Variants in YY1 observed in about 807,000 individuals in gnomAD.
The protein encoded by YY1 is YY1 transcription factor.
YY1 carries 2 observed loss-of-function variants against 35.6 expected under a neutral mutation model. The observed-to-expected ratio is 0.06, with a 90% CI of 0.02 to 0.18. The LOEUF (loss-of-function observed/expected upper bound fraction) is 0.18, where lower values mean the gene tolerates loss of function less well. YY1 is among the 10% of genes least tolerant of loss of function. YY1 has a pLI of 1.00. For synonymous variants in YY1, 268 were observed against 238.9 expected (o/e 1.12, Z -1.12); for missense variants, 322 against 573.4 (o/e 0.56, Z 4.48).
Position 100,274,722 on chromosome 14 carries a change from AGAT to A in YY1, c.872_874del (p.Asp291del). ...GAATGAAGCCAAGAAAAATTAAAGAAGATGATGCTCCAAGAACAATAGCTTGCC... is the reference window on the plus strand; with the variant it reads ...GAATGAAGCCAAGAAAAATTAAAGAAGATGCTCCAAGAACAATAGCTTGCC... On this transcript the variant is annotated inframe_deletion, in exon 3 of 5. Transcript: ENST00000262238. 1 of 1,614,102 alleles carries A rather than the reference AGAT, an allele frequency of 6.2e-7. No homozygotes were observed.
intron 3 of YY1, chr14:100,275,657 A>C (rs1375038386): frequency 6.6e-6 from 1 of 152,192 alleles, no homozygotes; most frequent in African/African-American, 2.4e-5. Context: ...AATTTTTTAA[A>C]TTTCCATTTT....
rs1387116081 is a variant in YY1, at chr14:100,276,036, C to T, written c.904-454C>T. Reference sequence around the variant, plus strand: ...GGGAACAGTAGGCGATGGAGAATGACAGTCCATTGTTGCAGCACAGAATAT... The same window carrying T: ...GGGAACAGTAGGCGATGGAGAATGATAGTCCATTGTTGCAGCACAGAATAT... On this transcript the variant is annotated intron_variant, in intron 3 of 4. Transcript: ENST00000262238. The surrounding 1 kb of genome is among the most constrained non-coding windows in gnomAD (Gnocchi z 4.1). The T allele has an allele frequency of 1.0e-5, 2 of 198,572 alleles. No individual in the cohort carries two copies. Among genetic ancestry groups the T allele is most frequent in the Non-Finnish European group, 2.1e-5 (2 of 95,874 alleles). 12.3% of individuals were successfully genotyped at this position (198,572 alleles called of 1,614,324 possible). A position where few individuals can be genotyped will look rare whatever the true frequency, so the allele number is the denominator to read the frequency against.
rs548958777 is a variant in YY1, at chr14:100,246,680, A to G, written c.679+6757A>G. On this transcript the variant is annotated intron_variant, in intron 1 of 4. Coordinates refer to ENST00000262238, the MANE Select transcript of YY1 (RefSeq NM_003403.5). ...GTTGAAATGCATTGAATTTTTCCCA[A>G]TTTTATAAGTTCAGAAGATGCAGGT... is the stretch of plus-strand genomic sequence containing the variant. Among the ~76,000 whole-genome samples the G allele has an allele frequency of 5.3e-5, 8 of 152,304 alleles. No homozygotes were observed. In the South Asian group the frequency reaches 1.7e-3, roughly 32 times the overall value.
At chr14:100,252,524 C>A (rs181435251) in intron 1 of YY1, among the ~76,000 whole-genome samples, 2 of 152,178 alleles carry the variant, frequency 1.3e-5, no homozygotes, top group Non-Finnish European at 2.9e-5. Context: ...TAGGTCATTG[C>A]ATTTAGCCAG....
At chr14:100,268,343 T>G (rs1891184541) in intron 2 of YY1, among the ~76,000 whole-genome samples, 1 of 152,220 alleles carries the variant, frequency 6.6e-6, no homozygotes, top group Non-Finnish European at 1.5e-5. Flanking sequence ...AGTCTGACAT[T>G]GGGAAGGTGG....
At chr14:100,244,428 G>A (rs1255474601) in intron 1 of YY1, among the ~76,000 whole-genome samples, 5 of 144,596 alleles carry the variant, frequency 3.5e-5, no homozygotes, top group Non-Finnish European at 7.5e-5. Context: ...CGAGTAGCAC[G>A]TGCCACCATG....
chr14:100,266,122 A>G (rs114399790), intron 2 of YY1, among the ~76,000 whole-genome samples: 7,343 of 152,152 alleles, frequency 0.048, 201 homozygotes, highest in African/African-American at 0.06. Flanking sequence ...GAGACTTACT[A>G]TCATGAGAAT....
At chr14:100,273,691 C>T (rs932178202) in intron 2 of YY1, among the ~76,000 whole-genome samples, 1 of 151,974 alleles carries the variant, frequency 6.6e-6, no homozygotes, top group East Asian at 1.9e-4. Flanking sequence ...AAATATGAAC[C>T]ATCATGGAGG....
At position 100,276,918 on chromosome 14, in the gene YY1, T is replaced by G. The variant is rs1891328339; in HGVS notation, c.1062+270T>G. 1 of 510,974 alleles carries G rather than the reference T, an allele frequency of 2.0e-6. No homozygotes were observed. Among genetic ancestry groups the G allele is most frequent in the Admixed American group, 3.3e-5 (1 of 30,524 alleles). The allele number at this position is 510,974 out of a possible 1,614,324, so 31.7% of individuals were successfully genotyped here. On this transcript the variant is annotated intron_variant, in intron 4 of 4. Transcript: ENST00000262238. This position sits in a 1 kb window ranked among gnomAD's most constrained non-coding sequence, Gnocchi z 4.1. ...AGGAGGAGAACAGGATTGAAGAGCATACCTAAAACTCAATTTCTACTTCAT... is the reference window on the plus strand; with the variant it reads ...AGGAGGAGAACAGGATTGAAGAGCAGACCTAAAACTCAATTTCTACTTCAT...
chr14:100,260,858 T>C (rs1033540449), intron 1 of YY1, among the ~76,000 whole-genome samples: 18 of 130,324 alleles, frequency 1.4e-4, no homozygotes, highest in African/African-American at 5.2e-4. Flanking sequence ...CGCAGTGACG[T>C]GGTCACGGCT....
intron 1 of YY1, among the ~76,000 whole-genome samples, chr14:100,254,445 C>CTATA (rs995412112): frequency 1.3e-5 from 2 of 151,958 alleles, no homozygotes; most frequent in Non-Finnish European, 2.9e-5. Context: ...CAGCTTTTTC[C>CTATA]TATATGTTTC....
rs1378452890 is a variant in YY1 at position 100,239,895 on chromosome 14, C to T, written c.651C>T (p.Gly217=). 1.3e-6 allele frequency: 2 copies of T among 1,529,490 alleles called. No homozygotes were observed. Among genetic ancestry groups the T allele is most frequent in the Non-Finnish European group, 8.8e-7 (1 of 1,140,284 alleles). The allele number at this position is 1,529,490 out of a possible 1,614,324, so 94.7% of individuals were successfully genotyped here. The stretch of plus-strand genomic sequence containing the variant: ...AGGTGCAGATCAAGACCCTGGAGGG[C>T]GAGTTCTCGGTCACCATGTGGTCCT... ...QKQVQIKTLE[G]EFSVTMWSSD... Residue 217 remains glycine, a synonymous_variant, in exon 1 of 5, where the codon GGC becomes GGT. Coordinates refer to ENST00000262238, the MANE Select transcript of YY1 (RefSeq NM_003403.5).
intron 1 of YY1, among the ~76,000 whole-genome samples, chr14:100,241,229 C>T (rs578151388): frequency 6.6e-5 from 10 of 152,328 alleles, no homozygotes; most frequent in Admixed American, 2.0e-4. Flanking sequence ...ACGTTTAGTA[C>T]TCCATATAAG....
chr14:100,250,552 T>TA (rs954142924), intron 1 of YY1, among the ~76,000 whole-genome samples: 253 of 150,254 alleles, frequency 1.7e-3, no homozygotes, highest in African/African-American at 5.5e-3. Flanking sequence ...CAGTCAAAAT[T>TA]AAAAAAAAAG....
intron 1 of YY1, among the ~76,000 whole-genome samples, chr14:100,240,246 C>CCGCGCCCGCATCAACGGG (rs557452256): frequency 4.2e-5 from 6 of 144,280 alleles, no homozygotes; most frequent in South Asian, 4.2e-4. Context: ...CCCTCGCTCC[C>CCGCGCCCGCATCAACGGG]CGCGCCCGCA....
At chr14:100,272,954 G>GTTGTTTTTTTTT (rs34406679) in intron 2 of YY1, among the ~76,000 whole-genome samples, 2 of 141,202 alleles carry the variant, frequency 1.4e-5, no homozygotes, top group Admixed American at 7.1e-5. Context: ...GTTTTTTGTT[G>GTTGTTTTTTTTT]TTTTTTTTTT....
At chr14:100,240,261 CGG>C (rs1890711649) in intron 1 of YY1, among the ~76,000 whole-genome samples, 3 of 96,684 alleles carry the variant, frequency 3.1e-5, no homozygotes, top group Admixed American at 1.0e-4. Context: ...CCCGCATCAA[CGG>C]GCGCGCCCGC....
chr14:100,268,056 A>G, intron 2 of YY1, among the ~76,000 whole-genome samples: 1 of 152,176 alleles, frequency 6.6e-6, no homozygotes, highest in East Asian at 1.9e-4. Flanking sequence ...GGGCCAGACC[A>G]CATCTTCGCT....
intron 3 of YY1, chr14:100,275,837 G>A (rs1891310055): frequency 6.4e-6 from 1 of 155,708 alleles, no homozygotes; most frequent in African/African-American, 2.4e-5. Flanking sequence ...TTGAGGACAT[G>A]CTTCTCGAGC....
Sources: allele counts gnomAD v4.1 joint callset (sites outside exome capture counted in the v4.1 genomes callset), GRCh38; gene constraint gnomAD v4.1.1; non-coding constraint Gnocchi (gnomAD v3.1); transcripts MANE v1.5; gene names NCBI Gene and HGNC (gene_info 2026-07-23, HGNC 2026-07-21).